The following KCTD16 variants were observed in gnomAD, a reference collection of about 807,000 sequenced individuals.
KCTD16 encodes potassium channel tetramerization domain containing 16, also known as BTB/POZ domain-containing protein KCTD16.
A neutral mutation model predicts 33.2 loss-of-function variants in KCTD16; 13 were observed. The observed-to-expected ratio is 0.39, with a 90% CI of 0.25 to 0.62. The LOEUF is 0.62. Ranked by LOEUF, KCTD16 falls within the 20% of genes least tolerant of loss-of-function variation. KCTD16 has a pLI of 0.50. For missense variants in KCTD16, 441 were observed against 525.1 expected, an observed-to-expected ratio of 0.84 and a Z score of 1.57; for synonymous variants, 197 against 195.3, an observed-to-expected ratio of 1.01 and a Z score of -0.07.
intron 3 of KCTD16, among the ~76,000 whole-genome samples, chr5:144,279,940 T>A (rs1323546629): frequency 6.6e-6 from 1 of 152,232 alleles, no homozygotes; most frequent in African/African-American, 2.4e-5. Context: ...ATGACTTTCT[T>A]CTTTGGTGTA....
chr5:144,174,696 T>C (rs977281029), intron 2 of KCTD16, among the ~76,000 whole-genome samples: 2 of 152,212 alleles, frequency 1.3e-5, no homozygotes, highest in African/African-American at 4.8e-5. Context: ...CGTAATGGCA[T>C]TGGATGCTTT....
intron 3 of KCTD16, among the ~76,000 whole-genome samples, chr5:144,365,426 AAGAG>A (rs1036372256): frequency 6.6e-6 from 1 of 151,918 alleles, no homozygotes; most frequent in African/African-American, 2.4e-5. Flanking sequence ...AAGTTAGTAA[AAGAG>A]AGAGAGAAAG....
At position 144,478,721 on chromosome 5, in the gene KCTD16, C is replaced by T. The variant is rs349695; in HGVS notation, c.*4607C>T. The T allele has an allele frequency of 0.43, 65,528 of 151,750 alleles. 14,367 individuals are homozygous for T. The highest frequency in any genetic ancestry group is 0.67 in the East Asian group (3,456 of 5,158). 9.4% of individuals were successfully genotyped at this position (151,750 alleles called of 1,614,324 possible). A position where few individuals can be genotyped will look rare whatever the true frequency, so the allele number is the denominator to read the frequency against. On this transcript the variant is annotated 3_prime_UTR_variant, in exon 4 of 4. Coordinates refer to ENST00000512467, the MANE Select transcript of KCTD16 (RefSeq NM_020768.4). The stretch of plus-strand genomic sequence containing the variant: ...TGCAGAGGCCAAGAGTTCCTTTACT[C>T]CTTAGAAGCACTTCCTCATTTTCTC...
chr5:144,365,945 T>A (rs1459805658), intron 3 of KCTD16, among the ~76,000 whole-genome samples: 3 of 152,238 alleles, frequency 2.0e-5, no homozygotes, highest in Admixed American at 2.0e-4. Flanking sequence ...TATGCTTGTT[T>A]ATATAAACAT....
At chr5:144,316,076 T>C (rs80071874) in intron 3 of KCTD16, among the ~76,000 whole-genome samples, 56 of 152,280 alleles carry the variant, frequency 3.7e-4, no homozygotes, top group African/African-American at 1.3e-3. Flanking sequence ...TTTTTGTTCT[T>C]ATGTTTTACT....
chr5:144,426,216 A>G (rs1179788967), intron 3 of KCTD16, among the ~76,000 whole-genome samples: 1 of 152,324 alleles, frequency 6.6e-6, no homozygotes, highest in East Asian at 1.9e-4. Flanking sequence ...GCACAATTCA[A>G]CCAAAGTCTT....
At chr5:144,309,073 A>G (rs1422715) in intron 3 of KCTD16, among the ~76,000 whole-genome samples, 16,560 of 152,180 alleles carry the variant, frequency 0.11, 2,317 homozygotes, top group African/African-American at 0.32. Context: ...GCTCACCTAC[A>G]TCTGCTGTGA....
chr5:144,301,856 A>C (rs2126871084), intron 3 of KCTD16, among the ~76,000 whole-genome samples: 1 of 152,326 alleles, frequency 6.6e-6, no homozygotes, highest in Non-Finnish European at 1.5e-5. Flanking sequence ...ATGAAAGTGG[A>C]AACAAGAAAA....
intron 2 of KCTD16, among the ~76,000 whole-genome samples, chr5:144,192,483 C>T (rs114463088): frequency 1.4e-4 from 22 of 152,212 alleles, no homozygotes; most frequent in African/African-American, 3.4e-4. Context: ...GACCAGGGAA[C>T]GAATAAAGCG....
chr5:144,292,329 G>C (rs995252410), intron 3 of KCTD16, among the ~76,000 whole-genome samples: 1 of 152,150 alleles, frequency 6.6e-6, no homozygotes, highest in African/African-American at 2.4e-5. Flanking sequence ...AGCATGGTTT[G>C]GTGAAGTCAT....
At chr5:144,182,170 A>G (rs1169131140) in intron 2 of KCTD16, among the ~76,000 whole-genome samples, 2 of 151,612 alleles carry the variant, frequency 1.3e-5, no homozygotes, top group East Asian at 3.9e-4. Flanking sequence ...TATGTTAGTT[A>G]TGGCAGGAGT....
Position 144,481,078 on chromosome 5 carries a change from T to A in KCTD16, c.*6964T>A, listed in dbSNP as rs1754695753. 6.6e-6 allele frequency: 1 copy of A among 151,958 alleles called. No individual in the cohort carries two copies. The highest frequency in any genetic ancestry group is 1.5e-5 in the Non-Finnish European group (1 of 67,914). The allele number at this position is 151,958 out of a possible 1,614,324, so 9.4% of individuals were successfully genotyped here. ...GTAGTGATGAGGAAGGCCTGTAGTT[T>A]AGGTGTCTTGTGTTCTTCTACTTCA... is the stretch of plus-strand genomic sequence containing the variant. On this transcript the variant is annotated 3_prime_UTR_variant, in exon 4 of 4. Coordinates refer to ENST00000512467, the MANE Select transcript of KCTD16 (RefSeq NM_020768.4).
chr5:144,346,921 T>A (rs1471869209), intron 3 of KCTD16, among the ~76,000 whole-genome samples: 1 of 152,192 alleles, frequency 6.6e-6, no homozygotes, highest in Non-Finnish European at 1.5e-5. Flanking sequence ...ACTCAAGAAA[T>A]CTTTGCCCAG....
chr5:144,379,971 T>G (rs988922473), intron 3 of KCTD16, among the ~76,000 whole-genome samples: 2 of 152,162 alleles, frequency 1.3e-5, no homozygotes, highest in African/African-American at 4.8e-5. Flanking sequence ...ACATACATAC[T>G]CTGGTATAGA....
intron 3 of KCTD16, among the ~76,000 whole-genome samples, chr5:144,226,211 T>G (rs1309045538): frequency 1.3e-5 from 2 of 152,238 alleles, no homozygotes; most frequent in Non-Finnish European, 2.9e-5. Context: ...GCACTAAGAT[T>G]TCTCATTAGA....
chr5:144,220,751 C>T (rs1230585403), intron 3 of KCTD16, among the ~76,000 whole-genome samples: 2 of 152,046 alleles, frequency 1.3e-5, no homozygotes, highest in African/African-American at 4.8e-5. Context: ...ACCATCCTGG[C>T]TAACACGGTG....
At chr5:144,416,720 C>A (rs1216277335) in intron 3 of KCTD16, among the ~76,000 whole-genome samples, 2 of 152,136 alleles carry the variant, frequency 1.3e-5, no homozygotes, top group African/African-American at 4.8e-5. Context: ...TATCAAGCTC[C>A]AAAACATTTC....
At chr5:144,346,147 T>C (rs551647591) in intron 3 of KCTD16, among the ~76,000 whole-genome samples, 4 of 152,276 alleles carry the variant, frequency 2.6e-5, no homozygotes, top group African/African-American at 9.6e-5. Context: ...CTTAGCATAA[T>C]GCTCCCCAGT....
At chr5:144,377,074 C>G (rs370235999) in intron 3 of KCTD16, among the ~76,000 whole-genome samples, 7 of 152,138 alleles carry the variant, frequency 4.6e-5, no homozygotes, top group African/African-American at 1.7e-4. Context: ...TCTATTTTAT[C>G]AAACTCATTT....
Sources: allele counts gnomAD v4.1 joint callset (sites outside exome capture counted in the v4.1 genomes callset), GRCh38; gene constraint gnomAD v4.1.1; transcripts MANE v1.5; gene names NCBI Gene and HGNC (gene_info 2026-07-23, HGNC 2026-07-21).